The following POLN variants were observed in gnomAD, a reference collection of about 807,000 sequenced individuals.
POLN encodes the protein DNA polymerase nu.
In POLN, 108 loss-of-function variants were observed where a neutral mutation model predicts 113.5. The ratio of observed to expected loss-of-function variants is 0.95; its 90% CI spans 0.81 to 1.12. The LOEUF (loss-of-function observed/expected upper bound fraction) is 1.12, where lower values mean the gene tolerates loss of function less well. POLN is among the 50% of genes most tolerant of loss of function. The pLI is 0.00. For missense variants in POLN, 1,097 were observed against 1,077.1 expected (o/e 1.02, Z -0.26); for synonymous variants, 386 against 391.5 (o/e 0.99, Z 0.17).
intron 21 of POLN, among the ~76,000 whole-genome samples, chr4:2,084,601 G>A (rs1425819853): frequency 3.3e-5 from 5 of 152,252 alleles, no homozygotes; most frequent in Non-Finnish European, 7.3e-5. Flanking sequence ...CAAGGAGCCT[G>A]TAGCAGGGCT....
rs750343119 is a variant in POLN, at chr4:2,085,693, T to C, written c.2117A>G (p.Gln706Arg). 2.5e-6 allele frequency: 4 copies of C among 1,614,114 alleles called. No homozygotes were observed. Among genetic ancestry groups the C allele is most frequent in the Non-Finnish European group, 3.4e-6 (4 of 1,180,042 alleles). The change falls in exon 21 of 26, where the codon CAG (glutamine) becomes CGG (arginine). Residue 706 changes from glutamine to arginine, a missense_variant. Transcript: ENST00000511885. The part of the protein sequence containing the change: ...CLGVPIQEAA[Q>R]FLESFLQKYK... ...CTTCTGCAAAAAACTCTCCAAAAAC[T>C]GGGCAGCTTCCTGAATAGGAACTCC... is the stretch of plus-strand genomic sequence containing the variant.
intron 19 of POLN, among the ~76,000 whole-genome samples, chr4:2,098,323 G>T (rs771837223): frequency 2.6e-5 from 4 of 152,190 alleles, no homozygotes; most frequent in Non-Finnish European, 5.9e-5. Context: ...GGAGGCTGAG[G>T]TGGGAGGACT....
chr4:2,179,838 C>T (rs1733090171), intron 7 of POLN, among the ~76,000 whole-genome samples: 1 of 152,180 alleles, frequency 6.6e-6, no homozygotes, highest in East Asian at 1.9e-4. Context: ...CTCTTTCCCT[C>T]AGGCATCCTC....
chr4:2,083,363 G>A (rs924388646), intron 21 of POLN, among the ~76,000 whole-genome samples: 4 of 152,160 alleles, frequency 2.6e-5, no homozygotes, highest in South Asian at 2.1e-4. Context: ...GACACAGGGC[G>A]TTCTTAGGAC....
chr4:2,105,661 G>C (rs559323662), intron 19 of POLN, among the ~76,000 whole-genome samples: 1 of 152,200 alleles, frequency 6.6e-6, no homozygotes, highest in South Asian at 2.1e-4. Flanking sequence ...AGGCAGAGAG[G>C]GGGAGCTGAA....
chr4:2,170,263 C>T (rs1732827041), intron 13 of POLN, among the ~76,000 whole-genome samples: 1 of 152,180 alleles, frequency 6.6e-6, no homozygotes, highest in Non-Finnish European at 1.5e-5. Context: ...AATCTCACTA[C>T]TCCTTGTCTT....
intron 3 of POLN, chr4:2,228,348 CTT>C (rs531222767): frequency 0.018 from 3,272 of 186,656 alleles, no homozygotes; most frequent in South Asian, 0.047. Flanking sequence ...ACTGCTTTCA[CTT>C]TTTTTTTTTT....
At chr4:2,166,071 A>G (rs1208714551) in intron 13 of POLN, among the ~76,000 whole-genome samples, 3 of 152,144 alleles carry the variant, frequency 2.0e-5, no homozygotes, top group African/African-American at 4.8e-5. Context: ...GCCACCATAC[A>G]TGGCCATTAA....
intron 23 of POLN, among the ~76,000 whole-genome samples, chr4:2,076,006 G>C (rs895325872): frequency 3.3e-5 from 5 of 152,158 alleles, no homozygotes; most frequent in African/African-American, 1.2e-4. Context: ...TGCCCTCAGG[G>C]CTTCTCCGAG....
intron 16 of POLN, among the ~76,000 whole-genome samples, chr4:2,147,143 T>C (rs984121168): frequency 3.9e-4 from 59 of 152,148 alleles, no homozygotes; most frequent in African/African-American, 1.4e-3. Context: ...AAGAATACAA[T>C]GTGAAAGATC....
At chr4:2,232,101 G>A (rs1476718421) in intron 2 of POLN, 2 of 1,602,164 alleles carry the variant, frequency 1.2e-6, no homozygotes, top group Admixed American at 1.7e-5. Flanking sequence ...GAATATCAGT[G>A]AGGAGATGAT....
intron 2 of POLN, among the ~76,000 whole-genome samples, chr4:2,234,665 T>TA (rs1734695391): frequency 6.6e-6 from 1 of 152,080 alleles, no homozygotes; most frequent in Non-Finnish European, 1.5e-5. Context: ...TGCCTTACAT[T>TA]ACTAAGCAAA....
chr4:2,181,799 G>A, intron 7 of POLN, among the ~76,000 whole-genome samples: 1 of 152,094 alleles, frequency 6.6e-6, no homozygotes, highest in African/African-American at 2.4e-5. Context: ...AGGAGATTGA[G>A]CCCATCTTGG....
intron 14 of POLN, among the ~76,000 whole-genome samples, chr4:2,158,497 T>C (rs577290365): frequency 6.6e-6 from 1 of 152,230 alleles, no homozygotes; most frequent in African/African-American, 2.4e-5. Context: ...CCTGACACAG[T>C]GTCTCCTCTG....
chr4:2,237,269 A>AG (rs1560104934), intron 2 of POLN, among the ~76,000 whole-genome samples: 1 of 137,332 alleles, frequency 7.3e-6, no homozygotes, highest in Non-Finnish European at 1.5e-5. Flanking sequence ...CATCTCTACA[A>AG]ATTTTTTTTT....
intron 6 of POLN, among the ~76,000 whole-genome samples, chr4:2,197,121 G>C (rs1191073656): frequency 6.6e-6 from 1 of 152,176 alleles, no homozygotes; most frequent in African/African-American, 2.4e-5. Context: ...CAGTGATGTG[G>C]GGTTTTCCTC....
chr4:2,188,112 T>A (rs1475690847), intron 7 of POLN, among the ~76,000 whole-genome samples: 2 of 151,802 alleles, frequency 1.3e-5, no homozygotes, highest in African/African-American at 4.8e-5. Flanking sequence ...TGAGACCCCA[T>A]CTCCCTGCCA....
At chr4:2,206,011 C>T (rs564912019) in intron 5 of POLN, among the ~76,000 whole-genome samples, 1 of 152,218 alleles carries the variant, frequency 6.6e-6, no homozygotes, top group East Asian at 1.9e-4. Flanking sequence ...TACTATAAGG[C>T]CATTGTTACC....
chr4:2,091,115 T>C (rs1730652374), intron 20 of POLN, among the ~76,000 whole-genome samples: 1 of 152,242 alleles, frequency 6.6e-6, no homozygotes, highest in African/African-American at 2.4e-5. Context: ...CCAATTTCTG[T>C]TGCTCTGGTC....
Sources: gnomAD v4.1 joint callset for allele counts (sites outside exome capture counted in the v4.1 genomes callset) on GRCh38, gnomAD v4.1.1 for gene constraint, MANE v1.5 for transcripts, NCBI Gene and HGNC (gene_info 2026-07-23, HGNC 2026-07-21) for gene names.